Variants in COMMD7 observed in about 807,000 individuals in gnomAD.
COMMD7 encodes COMM domain containing 7.
In COMMD7, 28 loss-of-function variants were observed where a neutral mutation model predicts 34.8. That is an observed-to-expected ratio of 0.80 (90% CI 0.60 to 1.10). COMMD7 has a LOEUF of 1.10. COMMD7 is among the 50% of genes least tolerant of loss of function. COMMD7 has a pLI of 0.00. For missense variants in COMMD7, 211 were observed against 241.6 expected, an observed-to-expected ratio of 0.87 and a Z score of 0.84; for synonymous variants, 80 against 86.4, an observed-to-expected ratio of 0.93 and a Z score of 0.41.
intron 1 of COMMD7, among the ~76,000 whole-genome samples, chr20:32,732,198 C>T (rs796074896): frequency 3.3e-4 from 50 of 152,288 alleles, no homozygotes; most frequent in African/African-American, 1.1e-3. Context: ...AATCCTCCCA[C>T]CTCAGTCTGC....
At chr20:32,710,405 G>A (rs141790961) in intron 3 of COMMD7, among the ~76,000 whole-genome samples, 333 of 152,130 alleles carry the variant, frequency 2.2e-3, no homozygotes, top group African/African-American at 7.3e-3. Flanking sequence ...ATAAAAGCAC[G>A]TTGAATGCAA....
chr20:32,730,372 T>C (rs1458858275), intron 1 of COMMD7, among the ~76,000 whole-genome samples: 1 of 151,908 alleles, frequency 6.6e-6, no homozygotes, highest in African/African-American at 2.4e-5. Context: ...CTGACCAACA[T>C]GGTGAAACCC....
chr20:32,718,614 G>A (rs1410247989), intron 3 of COMMD7, among the ~76,000 whole-genome samples: 2 of 151,976 alleles, frequency 1.3e-5, no homozygotes, highest in African/African-American at 2.4e-5. Flanking sequence ...CAGGAGAATC[G>A]CTTGAACTCA....
chr20:32,726,466 C>G (rs6057629), intron 3 of COMMD7, among the ~76,000 whole-genome samples: 103,821 of 151,466 alleles, frequency 0.69, 36,320 homozygotes, highest in Middle Eastern at 0.82. Context: ...CTTTGGGAGA[C>G]TGAGGTGGGT....
chr20:32,740,110 G>A lies in COMMD7; in HGVS notation c.84+3198C>T, dbSNP rs1419513249. On this transcript the variant is annotated intron_variant, in intron 1 of 8. Transcript: ENST00000278980. ...AGGTGGGCAGATCATGAAGTCAGGAGATCGAGACCATCCTGGCTAACACGG... is the reference window on the plus strand; with the variant it reads ...AGGTGGGCAGATCATGAAGTCAGGAAATCGAGACCATCCTGGCTAACACGG... Among the ~76,000 whole-genome samples, 2 of 141,914 alleles carry A rather than the reference G, an allele frequency of 1.4e-5. 1 individual carries two copies. The highest frequency in any genetic ancestry group is 5.3e-5 in the African/African-American group (2 of 37,606). 93.1% of individuals were successfully genotyped at this position (141,914 alleles called of 152,430 possible). A position where few individuals can be genotyped will look rare whatever the true frequency, so the allele number is the denominator to read the frequency against.
At position 32,706,627 on chromosome 20, in the gene COMMD7, G is replaced by C. The variant is rs1984098003; in HGVS notation, c.299-7C>G. On this transcript the variant is annotated splice_polypyrimidine_tract_variant and splice_region_variant and intron_variant, in intron 4 of 8. Transcript: ENST00000278980. Reference sequence around the variant, plus strand: ...GCTTTCTCCTCACTAAGACCTATAAGAGAACAGAAGGAGATATTAACATAA... The same window carrying C: ...GCTTTCTCCTCACTAAGACCTATAACAGAACAGAAGGAGATATTAACATAA... 3 of 1,612,012 alleles carry C rather than the reference G, an allele frequency of 1.9e-6. No individual in the cohort carries two copies. In the African/African-American group the frequency reaches 4.0e-5, roughly 22 times the overall value.
chr20:32,742,311 T>C (rs1476246778), intron 1 of COMMD7, among the ~76,000 whole-genome samples: 3 of 152,196 alleles, frequency 2.0e-5, no homozygotes, highest in African/African-American at 4.8e-5. Context: ...CTTCCTGTCG[T>C]TACAAGTTCT....
intron 3 of COMMD7, among the ~76,000 whole-genome samples, chr20:32,711,355 C>G (rs1984432922): frequency 6.6e-6 from 1 of 150,854 alleles, no homozygotes; most frequent in African/African-American, 2.4e-5. Flanking sequence ...CGAGATCACA[C>G]CACTGCACTC....
At chr20:32,723,078 C>CATGTTGGTCAGGCTGG (rs1183292107) in intron 3 of COMMD7, among the ~76,000 whole-genome samples, 6 of 40,726 alleles carry the variant, frequency 1.5e-4, no homozygotes, top group South Asian at 7.4e-4. Context: ...ACTTGTGATC[C>CATGTTGGTCAGGCTGG]TCTCCCTCTC....
In COMMD7 at chr20:32,716,108, C is replaced by T. The variant is rs551107771; in HGVS notation, c.242-9348G>A. Among the ~76,000 whole-genome samples the T allele has an allele frequency of 7.2e-5, 11 of 152,254 alleles. No individual in the cohort carries two copies. The South Asian group carries it at 2.3e-3, about 32-fold the overall frequency. ...GCACAGAAGGGCCACCCAGCAGCCA[C>T]GTGCTGGACTGGAGTCCTATCTAGA... On this transcript the variant is annotated intron_variant, in intron 3 of 8. Transcript: ENST00000278980.
intron 3 of COMMD7, 41 bp downstream of exon 3, chr20:32,727,852 G>T: frequency 6.8e-7 from 1 of 1,473,218 alleles, no homozygotes; most frequent in Non-Finnish European, 9.5e-7. Context: ...GAATGTTCAA[G>T]TTAATGTCTC....
At chr20:32,737,319 G>A (rs1046513939) in intron 1 of COMMD7, among the ~76,000 whole-genome samples, 4 of 139,764 alleles carry the variant, frequency 2.9e-5, no homozygotes, top group Admixed American at 1.5e-4. Flanking sequence ...GCAGTGAGCC[G>A]AGATCGTGCC....
intron 3 of COMMD7, among the ~76,000 whole-genome samples, chr20:32,714,987 G>A (rs1011156088): frequency 2.6e-5 from 4 of 151,808 alleles, no homozygotes; most frequent in Non-Finnish European, 5.9e-5. Flanking sequence ...TCCAGCCTGG[G>A]CAACGGAGTG....
At chr20:32,730,004 C>T (rs1202543804) in intron 1 of COMMD7, among the ~76,000 whole-genome samples, 2 of 151,950 alleles carry the variant, frequency 1.3e-5, no homozygotes, top group African/African-American at 4.8e-5. Context: ...CAGATTGAGA[C>T]TCTGTCTCAA....
At chr20:32,717,461 G>T (rs1984867317) in intron 3 of COMMD7, among the ~76,000 whole-genome samples, 1 of 152,028 alleles carries the variant, frequency 6.6e-6, no homozygotes, top group South Asian at 2.1e-4. Context: ...AAGTAGCTGG[G>T]ATTACAGGCA....
intron 3 of COMMD7, among the ~76,000 whole-genome samples, chr20:32,726,559 T>A (rs1209064673): frequency 1.3e-5 from 2 of 151,864 alleles, no homozygotes; most frequent in Non-Finnish European, 2.9e-5. Context: ...AAAAATTAGC[T>A]GGGTGTGGTG....
chr20:32,726,372 G>A (rs969623992), intron 3 of COMMD7, among the ~76,000 whole-genome samples: 8 of 152,072 alleles, frequency 5.3e-5, no homozygotes, highest in Non-Finnish European at 1.2e-4. Flanking sequence ...CTCCAGCCTA[G>A]GTGACAGAGC....
intron 1 of COMMD7, among the ~76,000 whole-genome samples, chr20:32,737,379 A>AAAAAAAAAAAAAAAGG (rs1387669938): frequency 2.0e-5 from 2 of 101,622 alleles, no homozygotes; most frequent in African/African-American, 3.7e-5. Flanking sequence ...CAAAAAAAAA[A>AAAAAAAAAAAAAAAGG]GATAAGCCAG....
In COMMD7 at chr20:32,703,421, C is replaced by T; in HGVS notation, c.564G>A (p.Glu188=). 1.9e-6 allele frequency: 3 copies of T among 1,614,006 alleles called. No individual in the cohort carries two copies. The highest frequency in any genetic ancestry group is 2.5e-6 in the Non-Finnish European group (3 of 1,179,988). The change falls in exon 9 of 9, where the codon GAG becomes GAA. Residue 188 remains glutamate (E), a synonymous_variant. Coordinates refer to ENST00000278980, the MANE Select transcript of COMMD7 (RefSeq NM_053041.3). ...TLPQFYSFLH[E]MERVRTSMEC... is the part of the protein sequence containing the mutation. ...CCATGCTGGTTCTGACTCGCTCCATCTCGTGCAGGAAGCTGTAGAACTGAG... is the reference window on the plus strand; with the variant it reads ...CCATGCTGGTTCTGACTCGCTCCATTTCGTGCAGGAAGCTGTAGAACTGAG...
Sources: gnomAD v4.1 joint callset for allele counts (sites outside exome capture counted in the v4.1 genomes callset) on GRCh38, gnomAD v4.1.1 for gene constraint, MANE v1.5 for transcripts, NCBI Gene and HGNC (gene_info 2026-07-23, HGNC 2026-07-21) for gene names.